The following PRIM2 variants were observed in gnomAD, a reference collection of about 807,000 sequenced individuals.
PRIM2 encodes the protein DNA primase large subunit.
PRIM2 carries 39 observed loss-of-function variants against 67.3 expected under a neutral mutation model. The observed-to-expected ratio is 0.58, with a 90% CI of 0.45 to 0.76. The LOEUF is 0.76. PRIM2 is among the 30% of genes least tolerant of loss of function. PRIM2 has a pLI of 0.00. For missense variants in PRIM2, 398 were observed against 598.7 expected (o/e 0.66, Z 3.50); for synonymous variants, 143 against 198.7 (o/e 0.72, Z 2.36).
upstream of PRIM2, among the ~76,000 whole-genome samples, chr6:57,310,583 C>T (rs978816844): frequency 1.3e-5 from 2 of 152,262 alleles, no homozygotes; most frequent in African/African-American, 4.8e-5. Context: ...CTGTTGGGTA[C>T]ACTTCCCAGA....
At chr6:57,413,807 A>T (rs1405795973) in intron 7 of PRIM2, among the ~76,000 whole-genome samples, 1 of 152,170 alleles carries the variant, frequency 6.6e-6, no homozygotes, top group African/African-American at 2.4e-5. Context: ...ATTATAGTAG[A>T]CATGTGATTT....
At position 57,331,019 on chromosome 6, in the gene PRIM2, A is replaced by G. The variant is rs1273118466; in HGVS notation, c.459+4974A>G. Among the ~76,000 whole-genome samples the G allele has an allele frequency of 2.0e-5, 3 of 148,404 alleles. No individual in the cohort carries two copies. In the South Asian group the frequency reaches 6.4e-4, roughly 32 times the overall value. On this transcript the variant is annotated intron_variant, in intron 5 of 13. Coordinates refer to ENST00000615550, the MANE Select transcript of PRIM2 (RefSeq NM_000947.5). ...AACATAGTGAAACCCCGTCTCTACT[A>G]AAAAAAAAATACCAAAAAATTAGCC...
chr6:57,281,204 T>C, the PRIM2 span, among the ~76,000 whole-genome samples: 1 of 152,242 alleles, frequency 6.6e-6, no homozygotes, highest in Non-Finnish European at 1.5e-5. Context: ...CATCCATTGA[T>C]GAGTACTTTG....
intron 7 of PRIM2, among the ~76,000 whole-genome samples, chr6:57,398,894 T>C (rs563822603): frequency 1.1e-3 from 162 of 152,346 alleles, no homozygotes; most frequent in African/African-American, 3.7e-3. Context: ...TTTACCGTTA[T>C]GAAATGCCCT....
intron 7 of PRIM2, among the ~76,000 whole-genome samples, chr6:57,479,073 G>A (rs1224162705): frequency 6.6e-6 from 1 of 152,206 alleles, no homozygotes; most frequent in African/African-American, 2.4e-5. Context: ...TTGAACCTGG[G>A]AGATGGAGTT....
At chr6:57,258,732 C>T in the PRIM2 span, among the ~76,000 whole-genome samples, 17 of 152,226 alleles carry the variant, frequency 1.1e-4, no homozygotes, top group African/African-American at 4.1e-4. Context: ...TTTCCCTGTT[C>T]CATCTGATAT....
At chr6:57,606,903 T>C (rs1413859079) in intron 12 of PRIM2, among the ~76,000 whole-genome samples, 1 of 152,178 alleles carries the variant, frequency 6.6e-6, no homozygotes, top group Non-Finnish European at 1.5e-5. Flanking sequence ...TATTGCTGTG[T>C]TTAATCTACA....
intron 5 of PRIM2, among the ~76,000 whole-genome samples, chr6:57,355,534 C>T (rs1301031648): frequency 6.6e-6 from 1 of 152,150 alleles, no homozygotes; most frequent in Non-Finnish European, 1.5e-5. Context: ...TTTGTATTCT[C>T]CCTGGCTTGT....
intron 7 of PRIM2, among the ~76,000 whole-genome samples, chr6:57,438,796 G>A (rs1266440490): frequency 1.3e-5 from 2 of 151,360 alleles, no homozygotes; most frequent in Admixed American, 6.6e-5. Context: ...TGGGGGAAAC[G>A]GAGTCTCTCT....
At chr6:57,449,524 C>G (rs563930112) in intron 7 of PRIM2, among the ~76,000 whole-genome samples, 3 of 152,132 alleles carry the variant, frequency 2.0e-5, no homozygotes, top group African/African-American at 7.2e-5. Flanking sequence ...CAACACCTTT[C>G]TTAGAGTTGA....
intron 7 of PRIM2, among the ~76,000 whole-genome samples, chr6:57,503,137 T>C (rs1279466706): frequency 1.3e-5 from 2 of 152,136 alleles, no homozygotes; most frequent in Non-Finnish European, 2.9e-5. Flanking sequence ...TGCCATACCA[T>C]GTGCTGTTCT....
intron 11 of PRIM2, among the ~76,000 whole-genome samples, chr6:57,605,640 A>G (rs1462492832): frequency 1.9e-3 from 294 of 152,308 alleles, no homozygotes; most frequent in Non-Finnish European, 1.6e-3. Context: ...TTTAATAAGC[A>G]TTTTGACTTA....
chr6:57,275,396 T>A, the PRIM2 span, among the ~76,000 whole-genome samples: 1 of 152,150 alleles, frequency 6.6e-6, no homozygotes, highest in East Asian at 1.9e-4. Flanking sequence ...AGCTGAGGCA[T>A]GAGAATCACT....
intron 10 of PRIM2, among the ~76,000 whole-genome samples, chr6:57,585,631 G>C (rs1221635889): frequency 6.6e-6 from 1 of 152,136 alleles, no homozygotes; most frequent in African/African-American, 2.4e-5. Flanking sequence ...ATTAGATACC[G>C]AGGGTGATCA....
chr6:57,464,928 C>G (rs1157716253), intron 7 of PRIM2, among the ~76,000 whole-genome samples: 1 of 152,108 alleles, frequency 6.6e-6, no homozygotes, highest in Non-Finnish European at 1.5e-5. Context: ...AAAGTTGAGA[C>G]TCAGAAATTT....
chr6:57,249,965 C>T, the PRIM2 span, among the ~76,000 whole-genome samples: 2 of 152,162 alleles, frequency 1.3e-5, no homozygotes, highest in South Asian at 4.1e-4. Flanking sequence ...TCTTGGCCTT[C>T]CTGCTGTTGG....
chr6:57,379,288 G>A (rs1297074147), intron 5 of PRIM2, among the ~76,000 whole-genome samples: 2 of 130,626 alleles, frequency 1.5e-5, no homozygotes, highest in East Asian at 2.1e-4. Flanking sequence ...ATCAGATGAT[G>A]TAAATATTTC....
intron 7 of PRIM2, among the ~76,000 whole-genome samples, chr6:57,416,222 A>G (rs1771256995): frequency 6.6e-6 from 1 of 152,234 alleles, no homozygotes; most frequent in African/African-American, 2.4e-5. Context: ...AGCAGATATG[A>G]AGACACTAAT....
the PRIM2 span, among the ~76,000 whole-genome samples, chr6:57,291,856 AAG>A: frequency 9.2e-5 from 14 of 152,320 alleles, no homozygotes; most frequent in Admixed American, 6.5e-4. Context: ...TCAAAATAAT[AAG>A]AGCTATTTAT....
Sources: allele counts gnomAD v4.1 joint callset (sites outside exome capture counted in the v4.1 genomes callset), GRCh38; gene constraint gnomAD v4.1.1; transcripts MANE v1.5; gene names NCBI Gene and HGNC (gene_info 2026-07-23, HGNC 2026-07-21).